Variants in SCAPER observed in about 807,000 individuals in gnomAD.
SCAPER encodes S phase cyclin A-associated protein in the endoplasmic reticulum.
Under a neutral mutation model 182.2 loss-of-function variants are expected in SCAPER, and 98 were observed. The observed-to-expected ratio is 0.54, with a 90% CI of 0.46 to 0.64. The LOEUF (loss-of-function observed/expected upper bound fraction) is 0.64. Among genes scored for constraint, SCAPER ranks in the 30% least tolerant of loss-of-function variants. The probability of loss-of-function intolerance (pLI) is 0.00; values close to 1 mark genes in which losing one functional copy is unlikely to be tolerated. For missense variants in SCAPER, 1,432 were observed against 1,690.0 expected (o/e 0.85, Z 2.68); for synonymous variants, 605 against 564.6 (o/e 1.07, Z -1.01).
At chr15:76,373,755 G>A (rs761118242) in intron 29 of SCAPER, among the ~76,000 whole-genome samples, 1 of 152,196 alleles carries the variant, frequency 6.6e-6, no homozygotes, top group Admixed American at 6.5e-5. Flanking sequence ...TGCGGTTCAG[G>A]GAATGCACTG....
At chr15:76,819,016 CA>C (rs1481070612) in intron 5 of SCAPER, among the ~76,000 whole-genome samples, 1 of 152,208 alleles carries the variant, frequency 6.6e-6, no homozygotes, top group African/African-American at 2.4e-5. Context: ...GATCAAACTG[CA>C]AGGCGGCAGC....
At chr15:76,682,915 C>T (rs527291396) in intron 20 of SCAPER, among the ~76,000 whole-genome samples, 30 of 152,138 alleles carry the variant, frequency 2.0e-4, no homozygotes, top group Non-Finnish European at 3.8e-4. Context: ...CCATCCAAAG[C>T]ACAGCAACTT....
chr15:76,798,387 A>G (rs1479150545), intron 7 of SCAPER, among the ~76,000 whole-genome samples: 3 of 151,758 alleles, frequency 2.0e-5, no homozygotes, highest in Admixed American at 1.3e-4. Flanking sequence ...AAAGAAAAAG[A>G]AAAAGAAAAA....
intron 25 of SCAPER, among the ~76,000 whole-genome samples, chr15:76,439,127 C>T (rs556504764): frequency 6.6e-6 from 1 of 151,956 alleles, no homozygotes; most frequent in East Asian, 1.9e-4. Flanking sequence ...GCTCTGTCAC[C>T]CAGGCTAGTG....
At chr15:76,666,854 T>G (rs909648877) in intron 20 of SCAPER, among the ~76,000 whole-genome samples, 6 of 152,148 alleles carry the variant, frequency 3.9e-5, no homozygotes, top group African/African-American at 1.4e-4. Flanking sequence ...GCCCGTACAC[T>G]CTCTTCCCTC....
chr15:76,471,095 CTTCTTT>C, intron 25 of SCAPER, 111 bp downstream of exon 25: 1 of 804,994 alleles, frequency 1.2e-6, no homozygotes, highest in Non-Finnish European at 1.7e-6. Context: ...TCTTCTTCTT[CTTCTTT>C]TTTTTTTTTT....
chr15:76,366,346 G>A (rs1244436446), intron 29 of SCAPER, among the ~76,000 whole-genome samples: 1 of 152,162 alleles, frequency 6.6e-6, no homozygotes, highest in Non-Finnish European at 1.5e-5. Flanking sequence ...GGGCTGATAG[G>A]TTTTCTGGTC....
At chr15:76,545,574 T>A (rs907122324) in intron 23 of SCAPER, among the ~76,000 whole-genome samples, 1 of 152,166 alleles carries the variant, frequency 6.6e-6, no homozygotes, top group Non-Finnish European at 1.5e-5. Context: ...GAACCCTGGA[T>A]AAAATATATG....
At chr15:76,512,333 T>G (rs776322885) in intron 23 of SCAPER, among the ~76,000 whole-genome samples, 6 of 152,080 alleles carry the variant, frequency 3.9e-5, no homozygotes, top group Non-Finnish European at 7.4e-5. Flanking sequence ...AGAATGAGAT[T>G]CAGTTTTCCA....
chr15:76,563,277 C>G (rs2046784188), intron 23 of SCAPER, among the ~76,000 whole-genome samples: 1 of 152,002 alleles, frequency 6.6e-6, no homozygotes, highest in Admixed American at 6.6e-5. Flanking sequence ...TTACATAAGG[C>G]AAGAGGTTTC....
intron 5 of SCAPER, among the ~76,000 whole-genome samples, chr15:76,813,102 G>T (rs537532162): frequency 3.3e-5 from 5 of 151,658 alleles, no homozygotes; most frequent in African/African-American, 1.2e-4. Flanking sequence ...TGCAAGGATG[G>T]TTCAATACAT....
At chr15:76,851,898 G>A (rs1025313124) in intron 4 of SCAPER, among the ~76,000 whole-genome samples, 1 of 151,930 alleles carries the variant, frequency 6.6e-6, no homozygotes, top group East Asian at 1.9e-4. Flanking sequence ...TGGCAAGTTG[G>A]ATTAAAAAAA....
At position 76,795,289 on chromosome 15, in the gene SCAPER, G is replaced by T. The variant is rs759689669; in HGVS notation, c.763C>A (p.Arg255Ser). Residue 255 changes from arginine (R) to serine (S), a missense_variant, in exon 8 of 32, where the codon CGC (arginine) becomes AGC (serine). Arg to Ser is a moderately radical substitution (Grantham distance 110). Transcript: ENST00000563290. ...ATTCGAAGTCACTTGCCATTTTTGC[G>T]TGAGGCCTTCTGCACTGTCATTGGT... ...CPPMTVQKASRKNERKDAEGW... is the reference protein window; with the variant it reads ...CPPMTVQKASSKNERKDAEGW... 3.0e-5 allele frequency: 48 copies of T among 1,608,142 alleles called. No homozygotes were observed. The South Asian group carries it at 4.9e-4, about 16-fold the overall frequency.
Position 76,602,353 on chromosome 15 carries a change from T to C in SCAPER, c.2711+19411A>G, listed in dbSNP as rs1355620582. Reference sequence around the variant, plus strand: ...TTAGTTTATCTGAAAAAGTTTTTATTTCTTCATTTTTGAAGTATAACTTTG... The same window carrying C: ...TTAGTTTATCTGAAAAAGTTTTTATCTCTTCATTTTTGAAGTATAACTTTG... On this transcript the variant is annotated intron_variant, in intron 22 of 31. Coordinates refer to ENST00000563290, the MANE Select transcript of SCAPER (RefSeq NM_020843.4). Among the ~76,000 whole-genome samples, 7 of 121,308 alleles carry C rather than the reference T, an allele frequency of 5.8e-5. 3 individuals are homozygous for C. The highest frequency in any genetic ancestry group is 1.4e-4 in the Non-Finnish European group (7 of 49,988). 79.6% of individuals were successfully genotyped at this position (121,308 alleles called of 152,430 possible). A position where few individuals can be genotyped will look rare whatever the true frequency, so the allele number is the denominator to read the frequency against.
intron 23 of SCAPER, among the ~76,000 whole-genome samples, chr15:76,513,789 T>C (rs913194406): frequency 3.9e-5 from 6 of 152,328 alleles, no homozygotes; most frequent in African/African-American, 1.4e-4. Context: ...TCCTTAACCA[T>C]AATTATCTTC....
intron 5 of SCAPER, among the ~76,000 whole-genome samples, chr15:76,812,493 A>G (rs866454411): frequency 6.7e-6 from 1 of 148,714 alleles, no homozygotes; most frequent in African/African-American, 2.4e-5. Flanking sequence ...GAAAAAAAAA[A>G]AAAAAAAGAA....
At chr15:76,485,990 G>A (rs570012557) in intron 24 of SCAPER, among the ~76,000 whole-genome samples, 1 of 152,198 alleles carries the variant, frequency 6.6e-6, no homozygotes, top group South Asian at 2.1e-4. Flanking sequence ...GGCAGATCAC[G>A]AAGTCAGGAG....
At chr15:76,364,978 C>T (rs1566997282) in intron 29 of SCAPER, among the ~76,000 whole-genome samples, 1 of 152,140 alleles carries the variant, frequency 6.6e-6, no homozygotes, top group African/African-American at 2.4e-5. Flanking sequence ...ACATCTCAAA[C>T]CTCTGGCATA....
At chr15:76,738,785 C>G (rs575236705) in intron 15 of SCAPER, among the ~76,000 whole-genome samples, 3 of 152,064 alleles carry the variant, frequency 2.0e-5, no homozygotes, top group African/African-American at 7.2e-5. Flanking sequence ...TCACTTATCA[C>G]AGATCACCAT....
Sources: allele counts gnomAD v4.1 joint callset (sites outside exome capture counted in the v4.1 genomes callset), GRCh38; gene constraint gnomAD v4.1.1; transcripts MANE v1.5; gene names NCBI Gene and HGNC (gene_info 2026-07-23, HGNC 2026-07-21).